DCUN1D2: variants seen among roughly 807,000 people sequenced by gnomAD.
DCUN1D2 encodes defective in cullin neddylation 1 domain containing 2, also known as DCN1-like protein 2.
A neutral mutation model predicts 30.9 loss-of-function variants in DCUN1D2; 29 were observed. The ratio of observed to expected loss-of-function variants is 0.94; its 90% CI spans 0.70 to 1.28. DCUN1D2 has a LOEUF of 1.28. DCUN1D2 is among the 50% of genes most tolerant of loss of function. The pLI is 0.00. For missense variants in DCUN1D2, 325 were observed against 316.9 expected, an observed-to-expected ratio of 1.03 and a Z score of -0.19; for synonymous variants, 121 against 115.3, an observed-to-expected ratio of 1.05 and a Z score of -0.32.
chr13:113,479,725 A>C (rs553372750), intron 3 of DCUN1D2, among the ~76,000 whole-genome samples: 19 of 152,348 alleles, frequency 1.2e-4, no homozygotes, highest in Non-Finnish European at 2.2e-4. Flanking sequence ...TCCATCTCAA[A>C]AAACAAACAA....
Position 113,490,682 on chromosome 13 carries a change from GC to G in DCUN1D2, c.-14del, listed in dbSNP as rs2044955876. The G allele has an allele frequency of 8.1e-7, 1 of 1,240,668 alleles. No homozygotes were observed. Among genetic ancestry groups the G allele is most frequent in the Non-Finnish European group, 1.0e-6 (1 of 990,514 alleles). The allele number at this position is 1,240,668 out of a possible 1,614,324, so 76.9% of individuals were successfully genotyped here. ...GGCCACCTACCATCTCCCCCGCGCC[GC>G]CCGCTTCTGGCCGGCCCCGGCCTTC... On this transcript the variant is annotated 5_prime_UTR_variant, in exon 1 of 7. Transcript: ENST00000478244. The surrounding 1 kb of genome is among the most constrained non-coding windows in gnomAD (Gnocchi z 5.2).
Position 113,484,226 on chromosome 13 carries a change from G to A in DCUN1D2, c.4-170C>T, listed in dbSNP as rs377761851. The A allele has an allele frequency of 2.9e-6, 4 of 1,390,312 alleles. No homozygotes were observed. The Admixed American group carries it at 1.1e-4, about 40-fold the overall frequency. The allele number at this position is 1,390,312 out of a possible 1,614,324, so 86.1% of individuals were successfully genotyped here. A position where few individuals can be genotyped will look rare whatever the true frequency, so the allele number is the denominator to read the frequency against. On this transcript the variant is annotated intron_variant, in intron 1 of 6. Transcript: ENST00000478244. ...AAATGGAAACAACAGCATCTATACTGTAACAAACAGGCAGTCTAAGCTTCA... is the reference window on the plus strand; with the variant it reads ...AAATGGAAACAACAGCATCTATACTATAACAAACAGGCAGTCTAAGCTTCA...
chr13:113,459,535 T>C (rs566345948), intron 5 of DCUN1D2, 127 bp from the exon 6 acceptor site: 73 of 557,920 alleles, frequency 1.3e-4, no homozygotes, highest in African/African-American at 1.3e-3. Context: ...TACAATAAAA[T>C]TGTTAAAAGT....
rs2044948173 is a variant in DCUN1D2, at chr13:113,490,611, T to TGGGGCC, written c.3+50_3+55dup. On this transcript the variant is annotated intron_variant, in intron 1 of 6. Transcript: ENST00000478244. The surrounding 1 kb of genome is among the most constrained non-coding windows in gnomAD (Gnocchi z 5.2). ...TCCAGCGCGCCGCCTGCGCCGACCT[T>TGGGGCC]GGGGCCCGACCCCGACCCCGACCCC... 1 of 1,215,426 alleles carries TGGGGCC rather than the reference T, an allele frequency of 8.2e-7. No homozygotes were observed. Among genetic ancestry groups the TGGGGCC allele is most frequent in the South Asian group, 3.4e-5 (1 of 29,534 alleles). The allele number at this position is 1,215,426 out of a possible 1,614,324, so 75.3% of individuals were successfully genotyped here. A position where few individuals can be genotyped will look rare whatever the true frequency, so the allele number is the denominator to read the frequency against.
intron 4 of DCUN1D2, among the ~76,000 whole-genome samples, chr13:113,469,830 C>A (rs908056129): frequency 2.6e-5 from 4 of 152,128 alleles, no homozygotes; most frequent in Non-Finnish European, 5.9e-5. Context: ...GAGAGCAAGA[C>A]CCTGTCTCGA....
chr13:113,464,785 T>C (rs528744519), intron 4 of DCUN1D2, among the ~76,000 whole-genome samples: 1 of 152,244 alleles, frequency 6.6e-6, no homozygotes. Context: ...CAATGGATCA[T>C]GAGCTACCAA....
At chr13:113,470,881 A>G (rs1414333952) in intron 4 of DCUN1D2, among the ~76,000 whole-genome samples, 1 of 148,834 alleles carries the variant, frequency 6.7e-6, no homozygotes, top group Non-Finnish European at 1.5e-5. Context: ...ACCCAGCTCC[A>G]AAGAAGACCC....
At chr13:113,472,417 T>C (rs766977454) in intron 4 of DCUN1D2, among the ~76,000 whole-genome samples, 1 of 152,154 alleles carries the variant, frequency 6.6e-6, no homozygotes, top group Admixed American at 6.5e-5. Context: ...AAAAAGCGAA[T>C]ACAGGTCTGG....
intron 4 of DCUN1D2, among the ~76,000 whole-genome samples, chr13:113,463,316 A>T (rs1306044404): frequency 6.6e-6 from 1 of 152,208 alleles, no homozygotes; most frequent in Non-Finnish European, 1.5e-5. Context: ...TAGACAATGA[A>T]GATGTGTCCT....
intron 4 of DCUN1D2, among the ~76,000 whole-genome samples, chr13:113,465,429 T>A (rs919644953): frequency 1.3e-5 from 2 of 151,528 alleles, no homozygotes; most frequent in African/African-American, 4.9e-5. Flanking sequence ...TTTAGAAAAG[T>A]GTGAGAAGCA....
At chr13:113,467,499 C>CAA (rs58117378) in intron 4 of DCUN1D2, among the ~76,000 whole-genome samples, 114 of 131,874 alleles carry the variant, frequency 8.6e-4, no homozygotes, top group Admixed American at 1.7e-3. Context: ...GACACCACTG[C>CAA]AAAAAAAAAA....
intron 4 of DCUN1D2, among the ~76,000 whole-genome samples, chr13:113,465,874 T>C (rs1252748735): frequency 6.6e-6 from 1 of 151,566 alleles, no homozygotes; most frequent in Non-Finnish European, 1.5e-5. Flanking sequence ...TATAGACAGA[T>C]ATATATAGAT....
At position 113,458,013 on chromosome 13, in the gene DCUN1D2, C is replaced by T; in HGVS notation, c.*16G>A. The T allele has an allele frequency of 6.2e-7, 1 of 1,609,712 alleles. No homozygotes were observed. ...TACAAATCATTTCATAATCTTACTCCTGCTTAACTTGCTGCCTAGAAAAGG... is the reference window on the plus strand; with the variant it reads ...TACAAATCATTTCATAATCTTACTCTTGCTTAACTTGCTGCCTAGAAAAGG... On this transcript the variant is annotated 3_prime_UTR_variant, in exon 7 of 7. Transcript: ENST00000478244.
At chr13:113,472,845 A>T (rs1025829785) in intron 4 of DCUN1D2, among the ~76,000 whole-genome samples, 2 of 152,202 alleles carry the variant, frequency 1.3e-5, no homozygotes, top group African/African-American at 4.8e-5. Flanking sequence ...AACAGGCCCC[A>T]GGGCCTTGCA....
At position 113,456,592 on chromosome 13, in the gene DCUN1D2, C is replaced by T. The variant is rs186811620; in HGVS notation, c.*1437G>A. On this transcript the variant is annotated 3_prime_UTR_variant, in exon 7 of 7. Transcript: ENST00000478244. ...CGCCTGTGACATGAGAGTCTCGGCA[C>T]GTGAGGTAGGGTCAACAGTGATGTC... is the stretch of plus-strand genomic sequence containing the variant. 507 of 385,276 alleles carry T rather than the reference C, an allele frequency of 1.3e-3. No individual in the cohort carries two copies. Among genetic ancestry groups the T allele is most frequent in the Non-Finnish European group, 1.4e-3 (300 of 218,052 alleles). 23.9% of individuals were successfully genotyped at this position (385,276 alleles called of 1,614,324 possible). A position where few individuals can be genotyped will look rare whatever the true frequency, so the allele number is the denominator to read the frequency against.
chr13:113,474,256 T>C lies in DCUN1D2; in HGVS notation c.390-2A>G. 6.2e-7 allele frequency: 1 copy of C among 1,613,480 alleles called. No individual in the cohort carries two copies. Among genetic ancestry groups the C allele is most frequent in the Non-Finnish European group, 8.5e-7 (1 of 1,179,520 alleles). On this transcript the variant is annotated splice_acceptor_variant, in intron 3 of 6. Transcript: ENST00000478244. LOFTEE classifies it high-confidence loss of function. Reference sequence around the variant, plus strand: ...TTTAGCTTCTCCATGCTGTCACACCTGCGATGACAGAGAGTGGTTTGTCTT... The same window carrying C: ...TTTAGCTTCTCCATGCTGTCACACCCGCGATGACAGAGAGTGGTTTGTCTT...
At chr13:113,483,702 A>T in intron 2 of DCUN1D2, 138 bp downstream of exon 2, 1 of 746,670 alleles carries the variant, frequency 1.3e-6, no homozygotes, top group Non-Finnish European at 2.2e-6. Flanking sequence ...TCTGCAGCTG[A>T]GCGCCGAGCG....
intron 6 of DCUN1D2, among the ~76,000 whole-genome samples, chr13:113,459,083 C>T (rs1327873233): frequency 6.6e-6 from 1 of 152,180 alleles, no homozygotes; most frequent in East Asian, 1.9e-4. Flanking sequence ...GTCTCTAACT[C>T]TTCACATCCA....
intron 4 of DCUN1D2, among the ~76,000 whole-genome samples, chr13:113,473,367 C>T (rs1212348631): frequency 1.3e-5 from 2 of 152,088 alleles, no homozygotes; most frequent in South Asian, 2.1e-4. Flanking sequence ...TTAGGAGTGA[C>T]AGTTAAAGCG....
Sources: gnomAD v4.1 joint callset for allele counts (sites outside exome capture counted in the v4.1 genomes callset) on GRCh38, gnomAD v4.1.1 for gene constraint, Gnocchi (gnomAD v3.1) non-coding constraint, MANE v1.5 for transcripts, NCBI Gene and HGNC (gene_info 2026-07-23, HGNC 2026-07-21) for gene names.